The following POLDIP2 variants were observed in gnomAD, a reference collection of about 807,000 sequenced individuals.
POLDIP2 encodes the protein polymerase delta-interacting protein 2.
A neutral mutation model predicts 52.9 loss-of-function variants in POLDIP2; 32 were observed. The observed-to-expected ratio is 0.61, with a 90% CI of 0.46 to 0.81. POLDIP2 has a LOEUF of 0.81. POLDIP2 is among the 40% of genes least tolerant of loss of function. The pLI is 0.00. For synonymous variants in POLDIP2, 183 were observed against 183.0 expected, an observed-to-expected ratio of 1.00 and a Z score of 0.00; for missense variants, 371 against 477.3, an observed-to-expected ratio of 0.78 and a Z score of 2.07.
Position 28,349,064 on chromosome 17 carries a change from G to A in POLDIP2, c.992+19C>T. The stretch of plus-strand genomic sequence containing the variant: ...TTTGTGGAGCTGGGTGGCCCCTACT[G>A]CTGTGCACACTCACTCACCACATGT... On this transcript the variant is annotated intron_variant, in intron 10 of 10. Coordinates refer to ENST00000540200, the MANE Select transcript of POLDIP2 (RefSeq NM_015584.5). 3 of 1,584,448 alleles carry A rather than the reference G, an allele frequency of 1.9e-6. No homozygotes were observed. Among genetic ancestry groups the A allele is most frequent in the Non-Finnish European group, 2.6e-6 (3 of 1,154,684 alleles).
intron 1 of POLDIP2, 136 bp downstream of exon 1, chr17:28,357,152 C>A: frequency 1.2e-6 from 1 of 850,926 alleles, no homozygotes; most frequent in Non-Finnish European, 1.7e-6. Flanking sequence ...CAGGTCGGCT[C>A]CCTGCTCGGG....
intron 9 of POLDIP2, 136 bp from the exon 10 acceptor site, chr17:28,349,298 T>C (rs1907706372): frequency 3.2e-6 from 2 of 616,772 alleles, no homozygotes; most frequent in Non-Finnish European, 5.8e-6. Context: ...GGCACTCCCA[T>C]AGCATGATAC....
rs528226681 is a variant in POLDIP2, at chr17:28,349,206, CAT to C, written c.913-46_913-45del. 504 of 1,441,162 alleles carry C rather than the reference CAT, an allele frequency of 3.5e-4. 1 individual carries two copies. The African/African-American group carries it at 6.4e-3, about 18-fold the overall frequency. 89.3% of individuals were successfully genotyped at this position (1,441,162 alleles called of 1,614,324 possible). A position where few individuals can be genotyped will look rare whatever the true frequency, so the allele number is the denominator to read the frequency against. Reference sequence around the variant, plus strand: ...AATGGGTCAGGCCAAGCCCCAGGGACATGTTTCCTGCACCCCAGGGTTACATG... The same window carrying C: ...AATGGGTCAGGCCAAGCCCCAGGGACGTTTCCTGCACCCCAGGGTTACATG... On this transcript the variant is annotated intron_variant, in intron 9 of 10. Transcript: ENST00000540200.
Position 28,353,547 on chromosome 17 carries a change from G to A in POLDIP2, c.438+148C>T, listed in dbSNP as rs376946584. On this transcript the variant is annotated intron_variant, in intron 4 of 10. Transcript: ENST00000540200. ...AAAAAAAAAAAAAAGACGTGAATCA[G>A]GGCTTTGTTGGCCACTGTGCAGTCC... 2.6e-4 allele frequency: 85 copies of A among 332,996 alleles called. No individual in the cohort carries two copies. The African/African-American group carries it at 3.2e-3, about 12-fold the overall frequency. The allele number at this position is 332,996 out of a possible 1,614,324, so 20.6% of individuals were successfully genotyped here.
At position 28,350,511 on chromosome 17, in the gene POLDIP2, C is replaced by A; in HGVS notation, c.839G>T (p.Arg280Leu). 6.2e-7 allele frequency: 1 copy of A among 1,613,650 alleles called. No homozygotes were observed. Among genetic ancestry groups the A allele is most frequent in the Non-Finnish European group, 8.5e-7 (1 of 1,179,716 alleles). Residue 280 changes from arginine to leucine, a missense_variant, in exon 9 of 11, where the codon CGG becomes CTG. By Grantham distance (102) the Arg-to-Leu change is moderately radical. Transcript: ENST00000540200. The part of the protein sequence containing the change: ...ENLDSDVVQL[R>L]ERHWRIFSLS... Reference sequence around the variant, plus strand: ...ACTGAATATCCTCCAGTGCCGCTCCCGGAGCTGTACCACATCACTGTCAAG... The same window carrying A: ...ACTGAATATCCTCCAGTGCCGCTCCAGGAGCTGTACCACATCACTGTCAAG...
At chr17:28,355,932 A>G in intron 1 of POLDIP2, 56 bp from the exon 2 acceptor site, 1 of 1,399,598 alleles carries the variant, frequency 7.1e-7, no homozygotes, top group Non-Finnish European at 1.0e-6. Context: ...AATGGTAGTT[A>G]TCCATAAGAA....
At chr17:28,350,071 AG>A (rs1907738747) in intron 9 of POLDIP2, among the ~76,000 whole-genome samples, 1 of 152,182 alleles carries the variant, frequency 6.6e-6, no homozygotes. Context: ...GCAAGACCAC[AG>A]GGATTGGTGG....
rs1332875342 is a variant in POLDIP2 at position 28,347,185 on chromosome 17, G to A, written c.*932C>T. The A allele has an allele frequency of 6.6e-6, 1 of 152,190 alleles. No homozygotes were observed. The highest frequency in any genetic ancestry group is 1.5e-5 in the Non-Finnish European group (1 of 68,056). 9.4% of individuals were successfully genotyped at this position (152,190 alleles called of 1,614,324 possible). ...AGGACTAAGGACAAGAATAACAAGG[G>A]CTGGAACTGTGATTTAATATTAATT... On this transcript the variant is annotated 3_prime_UTR_variant, in exon 11 of 11. Transcript: ENST00000540200.
At chr17:28,350,915 C>T in intron 7 of POLDIP2, 123 bp from the exon 8 acceptor site, 1 of 825,090 alleles carries the variant, frequency 1.2e-6, no homozygotes, top group Non-Finnish European at 2.0e-6. Flanking sequence ...CTGAGAGTAT[C>T]TGTGGGATAA....
rs532631156 is a variant in POLDIP2, at chr17:28,353,640, G to A, written c.438+55C>T. 4.1e-5 allele frequency: 50 copies of A among 1,231,804 alleles called. No individual in the cohort carries two copies. The African/African-American group carries it at 7.3e-4, about 18-fold the overall frequency. 76.3% of individuals were successfully genotyped at this position (1,231,804 alleles called of 1,614,324 possible). Reference sequence around the variant, plus strand: ...CCTTCCCTCCCTTTGTCCCCATTGGGATGCAGGACTTTCCATGGAGAGGAC... The same window carrying A: ...CCTTCCCTCCCTTTGTCCCCATTGGAATGCAGGACTTTCCATGGAGAGGAC... On this transcript the variant is annotated intron_variant, in intron 4 of 10. Transcript: ENST00000540200.
At chr17:28,352,261 C>T (rs1409908860) in intron 6 of POLDIP2, among the ~76,000 whole-genome samples, 3 of 17,894 alleles carry the variant, frequency 1.7e-4, no homozygotes, top group African/African-American at 4.2e-4. Flanking sequence ...TTTTTGGAGA[C>T]GGAGTCTTGA....
chr17:28,351,588 C>G, intron 7 of POLDIP2, 76 bp downstream of exon 7: 4 of 1,371,204 alleles, frequency 2.9e-6, no homozygotes, highest in Non-Finnish European at 4.1e-6. Flanking sequence ...GACTCCCTTC[C>G]CCCGGCAGTC....
intron 2 of POLDIP2, 62 bp downstream of exon 2, chr17:28,355,733 C>G (rs782759484): frequency 9.0e-5 from 115 of 1,275,746 alleles, no homozygotes; most frequent in Non-Finnish European, 1.2e-4. Context: ...GTGACCTAAT[C>G]TGACTTTTTT....
At chr17:28,350,371 G>A (rs1907750005) in intron 9 of POLDIP2, 67 bp downstream of exon 9, 1 of 1,419,182 alleles carries the variant, frequency 7.0e-7, no homozygotes, top group Non-Finnish European at 9.5e-7. Context: ...CAAAGGAGAA[G>A]GAAGCCATGC....
At chr17:28,356,322 T>G (rs1597803176) in intron 1 of POLDIP2, among the ~76,000 whole-genome samples, 1 of 152,160 alleles carries the variant, frequency 6.6e-6, no homozygotes, top group East Asian at 1.9e-4. Flanking sequence ...ATTTCAGTTG[T>G]GTCCATGTCT....
chr17:28,349,090 G>A lies in POLDIP2; in HGVS notation c.985C>T (p.His329Tyr), dbSNP rs782799137. ...CTGTGCACACTCACTCACCACATGTGCCCACTGGAAGCCTGCAGCGAGACG... is the reference window on the plus strand; with the variant it reads ...CTGTGCACACTCACTCACCACATGTACCCACTGGAAGCCTGCAGCGAGACG... ...SHVSLQASSG[H>Y]MWGTFRFERP... Residue 329 changes from histidine to tyrosine, a missense_variant, in exon 10 of 11, where the codon CAC (histidine) becomes TAC (tyrosine). Physicochemically the swap from His to Tyr is moderately conservative, Grantham distance 83. Transcript: ENST00000540200. 6.2e-7 allele frequency: 1 copy of A among 1,610,720 alleles called. No homozygotes were observed. The highest frequency in any genetic ancestry group is 1.7e-5 in the Admixed American group (1 of 59,938).
chr17:28,352,292 C>T (rs577584428), intron 6 of POLDIP2, among the ~76,000 whole-genome samples: 221 of 125,874 alleles, frequency 1.8e-3, no homozygotes, highest in Admixed American at 7.1e-3. Context: ...GGATGGAGTG[C>T]GGTGGCATGA....
In POLDIP2 at chr17:28,354,605, T is replaced by G; in HGVS notation, c.244-20A>C. ...GAAAAGCTGGAAGGAAAGAGGGGCC[T>G]CAGTGAGTCTGCAGTCCAGCAAATC... On this transcript the variant is annotated intron_variant, in intron 2 of 10. Transcript: ENST00000540200. The G allele has an allele frequency of 1.0e-5, 15 of 1,476,622 alleles. No individual in the cohort carries two copies. Among genetic ancestry groups the G allele is most frequent in the Non-Finnish European group, 1.2e-5 (13 of 1,078,498 alleles). The allele number at this position is 1,476,622 out of a possible 1,614,324, so 91.5% of individuals were successfully genotyped here.
chr17:28,356,386 C>T (rs1908030323), intron 1 of POLDIP2, among the ~76,000 whole-genome samples: 1 of 152,080 alleles, frequency 6.6e-6, no homozygotes, highest in Non-Finnish European at 1.5e-5. Context: ...GTCTGATTAG[C>T]TGGTACTGCC....
Sources: allele counts gnomAD v4.1 joint callset (sites outside exome capture counted in the v4.1 genomes callset), GRCh38; gene constraint gnomAD v4.1.1; transcripts MANE v1.5; gene names NCBI Gene and HGNC (gene_info 2026-07-23, HGNC 2026-07-21).